TEAD1: variants seen among roughly 807,000 people sequenced by gnomAD.
The protein encoded by TEAD1 is transcriptional enhancer factor TEF-1.
A neutral mutation model predicts 54.9 loss-of-function variants in TEAD1; 9 were observed. The ratio of observed to expected loss-of-function variants is 0.16; its 90% CI spans 0.10 to 0.29. The LOEUF is 0.29. TEAD1 is among the 10% of genes least tolerant of loss of function. TEAD1 has a pLI of 1.00. For synonymous variants in TEAD1, 200 were observed against 187.8 expected (o/e 1.07, Z -0.53); for missense variants, 387 against 535.9 (o/e 0.72, Z 2.74).
chr11:12,718,419 A>G (rs896112999), intron 2 of TEAD1, among the ~76,000 whole-genome samples: 1 of 152,228 alleles, frequency 6.6e-6, no homozygotes, highest in Non-Finnish European at 1.5e-5. Context: ...GTTCCCCTGC[A>G]GAGGAAAGGT....
chr11:12,780,086 T>A (rs999060273), intron 3 of TEAD1, among the ~76,000 whole-genome samples: 12 of 152,126 alleles, frequency 7.9e-5, no homozygotes, highest in Non-Finnish European at 1.6e-4. Context: ...AAATAAAAAT[T>A]ACTCAGATTG....
chr11:12,686,358 A>G (rs1017477476), intron 2 of TEAD1, among the ~76,000 whole-genome samples: 25 of 152,302 alleles, frequency 1.6e-4, no homozygotes, highest in African/African-American at 4.6e-4. Flanking sequence ...CAGCTACAAT[A>G]GAGGGGAATT....
chr11:12,902,682 A>C (rs531747356), intron 10 of TEAD1, among the ~76,000 whole-genome samples: 47 of 152,164 alleles, frequency 3.1e-4, no homozygotes, highest in Non-Finnish European at 5.7e-4. Flanking sequence ...ATGATTCCTC[A>C]GCCTTTACAC....
chr11:12,838,935 C>T (rs1054755376), intron 3 of TEAD1, among the ~76,000 whole-genome samples: 3 of 152,156 alleles, frequency 2.0e-5, no homozygotes, highest in Non-Finnish European at 4.4e-5. Flanking sequence ...GGTTTCTCAA[C>T]AGAAAATCTG....
At chr11:12,902,795 A>G (rs906136530) in intron 10 of TEAD1, among the ~76,000 whole-genome samples, 2 of 151,966 alleles carry the variant, frequency 1.3e-5, no homozygotes, top group African/African-American at 4.8e-5. Flanking sequence ...TGTCCTGCCA[A>G]ACCCCTGTTG....
intron 9 of TEAD1, among the ~76,000 whole-genome samples, chr11:12,894,332 G>T (rs1948264328): frequency 6.6e-6 from 1 of 152,086 alleles, no homozygotes; most frequent in South Asian, 2.1e-4. Flanking sequence ...TAGCAGATTT[G>T]TAGGGCTTTT....
chr11:12,923,943 C>T (rs1948860293), intron 10 of TEAD1, among the ~76,000 whole-genome samples: 2 of 152,228 alleles, frequency 1.3e-5, no homozygotes, highest in Admixed American at 1.3e-4. Context: ...GCCAGTTTCC[C>T]CAGTGGACAT....
intron 3 of TEAD1, among the ~76,000 whole-genome samples, chr11:12,781,978 AAAAAAG>A (rs1404158130): frequency 8.9e-4 from 120 of 134,836 alleles, no homozygotes; most frequent in African/African-American, 4.1e-3. Flanking sequence ...AAAAGAAAGA[AAAAAAG>A]AAAAAGAAAA....
chr11:12,886,390 C>T (rs1948087330), intron 9 of TEAD1, among the ~76,000 whole-genome samples: 1 of 152,188 alleles, frequency 6.6e-6, no homozygotes, highest in South Asian at 2.1e-4. Flanking sequence ...GTGTAACATC[C>T]TTGGGACCTT....
intron 3 of TEAD1, among the ~76,000 whole-genome samples, chr11:12,836,498 C>T (rs539349044): frequency 2.8e-4 from 42 of 151,926 alleles, no homozygotes; most frequent in African/African-American, 9.9e-4. Flanking sequence ...ATGAGTTCAA[C>T]TAGACTGCTT....
chr11:12,881,080 A>G (rs749030607), intron 7 of TEAD1, 29 bp downstream of exon 7: 3 of 1,613,548 alleles, frequency 1.9e-6, no homozygotes, highest in Non-Finnish European at 1.7e-6. Flanking sequence ...GGGCACTGAC[A>G]ACTACGGGCT....
intron 9 of TEAD1, among the ~76,000 whole-genome samples, chr11:12,895,296 A>G (rs1218676277): frequency 2.6e-5 from 4 of 152,242 alleles, no homozygotes; most frequent in Non-Finnish European, 4.4e-5. Flanking sequence ...TATGAAGAAT[A>G]ACTGGAGGGA....
rs1028213564 is a variant in TEAD1 at position 12,940,327 on chromosome 11, C to T, written c.*3105C>T. 3 of 152,176 alleles carry T rather than the reference C, an allele frequency of 2.0e-5. No homozygotes were observed. Among genetic ancestry groups the T allele is most frequent in the African/African-American group, 4.8e-5 (2 of 41,448 alleles). 9.4% of individuals were successfully genotyped at this position (152,176 alleles called of 1,614,324 possible). On this transcript the variant is annotated 3_prime_UTR_variant, in exon 13 of 13. Coordinates refer to ENST00000527636, the MANE Select transcript of TEAD1 (RefSeq NM_021961.6). ...GGAGATTTACTAATATCCCTGGCCT[C>T]TACCCAGTAGTACCACTAGCACCTA...
At chr11:12,777,767 T>C (rs975376986) in intron 3 of TEAD1, among the ~76,000 whole-genome samples, 9 of 152,312 alleles carry the variant, frequency 5.9e-5, no homozygotes, top group African/African-American at 2.2e-4. Flanking sequence ...TTATGAAAGA[T>C]GCTATTTAGG....
chr11:12,682,661 A>C (rs963958066), intron 2 of TEAD1, among the ~76,000 whole-genome samples: 4 of 152,014 alleles, frequency 2.6e-5, no homozygotes, highest in African/African-American at 4.8e-5. Flanking sequence ...CCTGGTTTTC[A>C]CGGAGCTACT....
At chr11:12,748,248 C>T (rs763876845) in intron 2 of TEAD1, among the ~76,000 whole-genome samples, 22 of 152,196 alleles carry the variant, frequency 1.4e-4, no homozygotes, top group Admixed American at 8.5e-4. Flanking sequence ...AGGCGTGAGC[C>T]GCTGCGCCTG....
intron 2 of TEAD1, among the ~76,000 whole-genome samples, chr11:12,731,487 G>T: frequency 6.6e-6 from 1 of 151,868 alleles, no homozygotes; most frequent in Non-Finnish European, 1.5e-5. Context: ...TATATTTGGG[G>T]ATAATATTTT....
At chr11:12,825,156 C>A (rs1946625544) in intron 3 of TEAD1, among the ~76,000 whole-genome samples, 1 of 152,176 alleles carries the variant, frequency 6.6e-6, no homozygotes, top group Admixed American at 6.5e-5. Flanking sequence ...TCTTCATGCA[C>A]TTTATTAATG....
Position 12,944,446 on chromosome 11 carries a change from G to A in TEAD1, c.*7224G>A, listed in dbSNP as rs1565000465. The A allele has an allele frequency of 6.6e-6, 1 of 151,298 alleles. No homozygotes were observed. Among genetic ancestry groups the A allele is most frequent in the Non-Finnish European group, 1.5e-5 (1 of 67,914 alleles). The allele number at this position is 151,298 out of a possible 1,614,324, so 9.4% of individuals were successfully genotyped here. ...TATGATAGTTATATGAAAATTATAG[G>A]ATTTGTGTGCAGAGAATTTTTTTAT... On this transcript the variant is annotated 3_prime_UTR_variant, in exon 13 of 13. Transcript: ENST00000527636.
Sources: allele counts gnomAD v4.1 joint callset (sites outside exome capture counted in the v4.1 genomes callset), GRCh38; gene constraint gnomAD v4.1.1; transcripts MANE v1.5; gene names NCBI Gene and HGNC (gene_info 2026-07-23, HGNC 2026-07-21).